Variants in SHH observed in about 807,000 individuals in gnomAD.
SHH encodes the protein sonic hedgehog protein.
SHH carries 3 observed loss-of-function variants against 16.6 expected under a neutral mutation model. The observed-to-expected ratio is 0.18, with a 90% CI of 0.08 to 0.47. SHH has a LOEUF of 0.47. Ranked by LOEUF, SHH falls within the 20% of genes least tolerant of loss-of-function variation. The probability of loss-of-function intolerance (pLI) is 0.98; values close to 1 mark genes in which losing one functional copy is unlikely to be tolerated. For synonymous variants in SHH, 351 were observed against 316.2 expected, an observed-to-expected ratio of 1.11 and a Z score of -1.17; for missense variants, 499 against 665.0, an observed-to-expected ratio of 0.75 and a Z score of 2.75.
rs1003263884 is a variant in SHH at position 155,802,779 on chromosome 7, A to ATTCTT, written c.*116_*120dup. 8 of 584,586 alleles carry ATTCTT rather than the reference A, an allele frequency of 1.4e-5. No individual in the cohort carries two copies. Among genetic ancestry groups the ATTCTT allele is most frequent in the African/African-American group, 1.9e-5 (1 of 51,504 alleles). 36.2% of individuals were successfully genotyped at this position (584,586 alleles called of 1,614,324 possible). A position where few individuals can be genotyped will look rare whatever the true frequency, so the allele number is the denominator to read the frequency against. ...CTACTTTGGACTGTCCTACTTTATTATTCTTATTCTTATTATAACTCAGTC... is the reference window on the plus strand; with the variant it reads ...CTACTTTGGACTGTCCTACTTTATTATTCTTTTCTTATTCTTATTATAACTCAGTC... On this transcript the variant is annotated 3_prime_UTR_variant, in exon 3 of 3. Transcript: ENST00000297261.
rs2117119973 is a variant in SHH, at chr7:155,801,101, A to G, written c.*1799T>C. ...CTCTTGGCCAAACCTCCAAGGCAGC[A>G]TGAAGCATGGAAGGACCTTCCCCAG... On this transcript the variant is annotated 3_prime_UTR_variant, in exon 3 of 3. Coordinates refer to ENST00000297261, the MANE Select transcript of SHH (RefSeq NM_000193.4). 6.2e-6 allele frequency: 1 copy of G among 161,534 alleles called. No homozygotes were observed. Among genetic ancestry groups the G allele is most frequent in the South Asian group, 1.8e-4 (1 of 5,714 alleles). 10.0% of individuals were successfully genotyped at this position (161,534 alleles called of 1,614,324 possible). A position where few individuals can be genotyped will look rare whatever the true frequency, so the allele number is the denominator to read the frequency against.
At position 155,812,156 on chromosome 7, in the gene SHH, CCCGTGCGGGT is replaced by C. The variant is rs1386542347; in HGVS notation, c.-44_-35del. 6.2e-7 allele frequency: 1 copy of C among 1,610,950 alleles called. No homozygotes were observed. The highest frequency in any genetic ancestry group is 8.5e-7 in the Non-Finnish European group (1 of 1,177,696). On this transcript the variant is annotated 5_prime_UTR_variant, in exon 1 of 3. Coordinates refer to ENST00000297261, the MANE Select transcript of SHH (RefSeq NM_000193.4). Reference sequence around the variant, plus strand: ...TGGAACTGATGACTTCCGAGCTGTCCCCGTGCGGGTCCGTGCGCGAGTGCGCGCGGCGGGT... The same window carrying C: ...TGGAACTGATGACTTCCGAGCTGTCCCCGTGCGCGAGTGCGCGCGGCGGGT...
chr7:155,800,240 C>T lies in SHH; in HGVS notation c.*2660G>A. On this transcript the variant is annotated 3_prime_UTR_variant, in exon 3 of 3. Coordinates refer to ENST00000297261, the MANE Select transcript of SHH (RefSeq NM_000193.4). ...GTGTCTCTAAGCAGTGGTTTCCTTT[C>T]CTTGCCTGTGAAAAAGAGAATTTTA... The T allele has an allele frequency of 2.1e-6, 1 of 470,404 alleles. No individual in the cohort carries two copies. Among genetic ancestry groups the T allele is most frequent in the Non-Finnish European group, 4.4e-6 (1 of 226,810 alleles). 29.1% of individuals were successfully genotyped at this position (470,404 alleles called of 1,614,324 possible).
At chr7:155,806,710 C>T in intron 1 of SHH, 153 bp from the exon 2 acceptor site, 2 of 912,438 alleles carry the variant, frequency 2.2e-6, no homozygotes, top group Non-Finnish European at 1.8e-6. Flanking sequence ...CCCAGACACA[C>T]CGAAGAGCCG....
rs1267430441 is a variant in SHH at position 155,803,121 on chromosome 7, G to C, written c.1168C>G (p.Leu390Val). 2 of 1,381,772 alleles carry C rather than the reference G, an allele frequency of 1.4e-6. No homozygotes were observed. Among genetic ancestry groups the C allele is most frequent in the Non-Finnish European group, 9.4e-7 (1 of 1,066,380 alleles). The allele number at this position is 1,381,772 out of a possible 1,614,324, so 85.6% of individuals were successfully genotyped here. Residue 390 changes from leucine to valine, a missense_variant, in exon 3 of 3, where the codon CTG becomes GTG. Physicochemically the swap from Leu to Val is conservative, Grantham distance 32. Coordinates refer to ENST00000297261, the MANE Select transcript of SHH (RefSeq NM_000193.4). ...FRLAHALLAA[L>V]APARTDRGGD... is the part of the protein sequence containing the mutation. ...CCGCGGTCCGTGCGCGCGGGCGCCA[G>C]TGCAGCCAGGAGCGCGTGCGCCAGG... is the stretch of plus-strand genomic sequence containing the variant.
chr7:155,803,003 G>A lies in SHH; in HGVS notation c.1286C>T (p.Thr429Ile), dbSNP rs1803231242. The change falls in exon 3 of 3, where the codon ACC (threonine) becomes ATC (isoleucine). Residue 429 changes from threonine (T) to isoleucine (I), a missense_variant. This residue lies in a region of SHH where 299 missense variants were observed against 301.1 expected (regional missense o/e 0.99). Coordinates refer to ENST00000297261, the MANE Select transcript of SHH (RefSeq NM_000193.4). Reference sequence around the variant, plus strand: ...CTGCGAGTACCAGTGGATGCCCGCGGTGGCCCCCGCACCCGGAGCGTCGGC... The same window carrying A: ...CTGCGAGTACCAGTGGATGCCCGCGATGGCCCCCGCACCCGGAGCGTCGGC... ...GAADAPGAGA[T>I]AGIHWYSQLL... 4.5e-6 allele frequency: 7 copies of A among 1,552,012 alleles called. No homozygotes were observed. The highest frequency in any genetic ancestry group is 3.8e-5 in the Admixed American group (2 of 53,140).
rs1239653562 is a variant in SHH at position 155,800,163 on chromosome 7, G to A, written c.*2737C>T. On this transcript the variant is annotated 3_prime_UTR_variant, in exon 3 of 3. Coordinates refer to ENST00000297261, the MANE Select transcript of SHH (RefSeq NM_000193.4). ...CTCCGTCAACCCTGAATGAGAAGTC[G>A]GCGCCTCGTCCTGGCGGGGCTGGGC... 1.5e-5 allele frequency: 7 copies of A among 471,272 alleles called. No homozygotes were observed. Among genetic ancestry groups the A allele is most frequent in the Non-Finnish European group, 2.6e-5 (6 of 227,146 alleles). The allele number at this position is 471,272 out of a possible 1,614,324, so 29.2% of individuals were successfully genotyped here.
rs1803180535 is a variant in SHH at position 155,801,543 on chromosome 7, G to A, written c.*1357C>T. On this transcript the variant is annotated 3_prime_UTR_variant, in exon 3 of 3. Coordinates refer to ENST00000297261, the MANE Select transcript of SHH (RefSeq NM_000193.4). ...TACACATCAGGCTTTGCTAGTTAAG[G>A]GGTGGGGTGAGGGGGACAGCACAGT... 1 of 152,246 alleles carries A rather than the reference G, an allele frequency of 6.6e-6. No individual in the cohort carries two copies. Among genetic ancestry groups the A allele is most frequent in the Non-Finnish European group, 1.5e-5 (1 of 68,074 alleles). The allele number at this position is 152,246 out of a possible 1,614,324, so 9.4% of individuals were successfully genotyped here.
rs1803457065 is a variant in SHH, at chr7:155,809,612, C to A, written c.300+2211G>T. Among the ~76,000 whole-genome samples the A allele has an allele frequency of 1.3e-5, 2 of 152,202 alleles. No homozygotes were observed. Among genetic ancestry groups the A allele is most frequent in the African/African-American group, 4.8e-5 (2 of 41,448 alleles). On this transcript the variant is annotated intron_variant, in intron 1 of 2. Coordinates refer to ENST00000297261, the MANE Select transcript of SHH (RefSeq NM_000193.4). The surrounding 1 kb of genome is among the most constrained non-coding windows in gnomAD (Gnocchi z 6.1). ...GGTCTGCCTGATAATCCCGGCCTGG[C>A]TCTCCTCACCCAACCCCCACTTGGG...
chr7:155,808,003 C>T (rs962116353), intron 1 of SHH, among the ~76,000 whole-genome samples: 2 of 151,704 alleles, frequency 1.3e-5, no homozygotes, highest in East Asian at 1.9e-4. Context: ...TTTAAGGGGA[C>T]GTGACAAATT....
intron 2 of SHH, 115 bp from the exon 3 acceptor site, chr7:155,803,841 G>T (rs1296347246): frequency 1.4e-5 from 12 of 876,838 alleles, no homozygotes; most frequent in East Asian, 2.6e-5. Context: ...CCAGGGGTGC[G>T]CAAGGCGCGG....
chr7:155,812,038 C>A lies in SHH; in HGVS notation c.85G>T (p.Gly29Trp). 6.2e-7 allele frequency: 1 copy of A among 1,614,196 alleles called. No individual in the cohort carries two copies. The highest frequency in any genetic ancestry group is 1.1e-5 in the South Asian group (1 of 91,080). The change falls in exon 1 of 3, where the codon GGG (glycine) becomes TGG (tryptophan). Residue 29 changes from glycine to tryptophan, a missense_variant. Coordinates refer to ENST00000297261, the MANE Select transcript of SHH (RefSeq NM_000193.4). ...CSGLACGPGR[G>W]FGKRRHPKKL... ...TTGGGGTGCCTCCTCTTCCCGAACC[C>A]CCTGCCCGGTCCGCACGCCAGTCCC... is the stretch of plus-strand genomic sequence containing the variant.
At position 155,809,415 on chromosome 7, in the gene SHH, G is replaced by C. The variant is rs1584803756; in HGVS notation, c.300+2408C>G. Among the ~76,000 whole-genome samples, 1 of 151,894 alleles carries C rather than the reference G, an allele frequency of 6.6e-6. No homozygotes were observed. Among genetic ancestry groups the C allele is most frequent in the Admixed American group, 6.6e-5 (1 of 15,262 alleles). On this transcript the variant is annotated intron_variant, in intron 1 of 2. Coordinates refer to ENST00000297261, the MANE Select transcript of SHH (RefSeq NM_000193.4). This position sits in a 1 kb window ranked among gnomAD's most constrained non-coding sequence, Gnocchi z 6.1. ...CCCGCCGGCCTGGGGCTCCCCTGCC[G>C]CCTCCTGCACCCCGCCCCTGCCCTC...
At position 155,812,056 on chromosome 7, in the gene SHH, C is replaced by G; in HGVS notation, c.67G>C (p.Ala23Pro). The change falls in exon 1 of 3, where the codon GCG (alanine) becomes CCG (proline). Residue 23 changes from alanine to proline, a missense_variant. By Grantham distance (27) the Ala-to-Pro change is conservative. Coordinates refer to ENST00000297261, the MANE Select transcript of SHH (RefSeq NM_000193.4). ...CCGAACCCCCTGCCCGGTCCGCACG[C>G]CAGTCCCGAGCATACCAGCAGCGAG... ...VSSLLVCSGL[A>P]CGPGRGFGKR... 6.2e-7 allele frequency: 1 copy of G among 1,614,190 alleles called. No homozygotes were observed. The highest frequency in any genetic ancestry group is 8.5e-7 in the Non-Finnish European group (1 of 1,180,026).
rs748809006 is a variant in SHH at position 155,812,098 on chromosome 7, G to A, written c.25C>T (p.Leu9=). ...AGCAGCGAGGAGACGAGGACTAGCA[G>A]CAGACATCTCGCCAGCAGCAGCATC... MLLLARCL[L]LVLVSSLLVC... is the part of the protein sequence containing the mutation. Residue 9 remains leucine, a synonymous_variant, in exon 1 of 3, where the codon CTG becomes TTG. Transcript: ENST00000297261. 17 of 1,614,068 alleles carry A rather than the reference G, an allele frequency of 1.1e-5. No homozygotes were observed. In the East Asian group the frequency reaches 3.1e-4, roughly 30 times the overall value.
chr7:155,800,680 A>G lies in SHH; in HGVS notation c.*2220T>C. 2.1e-6 allele frequency: 1 copy of G among 469,382 alleles called. No homozygotes were observed. Among genetic ancestry groups the G allele is most frequent in the Admixed American group, 2.4e-5 (1 of 42,428 alleles). 29.1% of individuals were successfully genotyped at this position (469,382 alleles called of 1,614,324 possible). ...ACCTGCTGACCACCTAGAACACCAA[A>G]GAAAAGTCTTTTACAGAAAAAGGCT... is the stretch of plus-strand genomic sequence containing the variant. On this transcript the variant is annotated 3_prime_UTR_variant, in exon 3 of 3. Coordinates refer to ENST00000297261, the MANE Select transcript of SHH (RefSeq NM_000193.4).
chr7:155,802,962 C>T lies in SHH; in HGVS notation c.1327G>A (p.Gly443Ser), dbSNP rs768839902. The change falls in exon 3 of 3, where the codon GGC becomes AGC. Residue 443 changes from glycine (G) to serine (S), a missense_variant. Around this residue, in one of 4 missense-constraint regions of SHH, gnomAD observed 299 missense variants for 301.1 expected, o/e 0.99. Transcript: ENST00000297261. ...HWYSQLLYQIGTWLLDSEALH... is the reference protein window; with the variant it reads ...HWYSQLLYQISTWLLDSEALH... ...GCCTCGCTGTCCAGGAGCCAGGTGC[C>T]TATTTGGTAGAGCAGCTGCGAGTAC... is the stretch of plus-strand genomic sequence containing the variant. 1 of 1,554,138 alleles carries T rather than the reference C, an allele frequency of 6.4e-7. No homozygotes were observed. The highest frequency in any genetic ancestry group is 1.2e-5 in the South Asian group (1 of 83,358).
At chr7:155,806,847 G>C in intron 1 of SHH, 1 of 548,304 alleles carries the variant, frequency 1.8e-6, no homozygotes, top group South Asian at 2.0e-5. Context: ...GGCCTAAGAA[G>C]CAAATAAAGT....
intron 2 of SHH, 58 bp from the exon 3 acceptor site, chr7:155,803,784 G>T: frequency 1.4e-6 from 2 of 1,452,268 alleles, no homozygotes; most frequent in Non-Finnish European, 1.9e-6. Context: ...CGAGAGGGAG[G>T]CGCGTCTCGG....
Sources: gnomAD v4.1 joint callset for allele counts (sites outside exome capture counted in the v4.1 genomes callset) on GRCh38, gnomAD v4.1.1 for gene constraint, gnomAD v4.1.1 regional missense constraint, Gnocchi (gnomAD v3.1) non-coding constraint, MANE v1.5 for transcripts, NCBI Gene and HGNC (gene_info 2026-07-23, HGNC 2026-07-21) for gene names.